Variants in ABHD6 observed in about 807,000 individuals in gnomAD.
ABHD6 encodes the protein monoacylglycerol lipase ABHD6.
In ABHD6, 33 loss-of-function variants were observed where a neutral mutation model predicts 38.8. The observed-to-expected ratio is 0.85, with a 90% confidence interval of 0.64 to 1.14. ABHD6 has a LOEUF of 1.14. ABHD6 is among the 50% of genes most tolerant of loss of function. The pLI, the probability that ABHD6 is intolerant of heterozygous loss-of-function variation, is 0.00. For synonymous variants in ABHD6, 147 were observed against 161.6 expected, an observed-to-expected ratio of 0.91 and a Z score of 0.69; for missense variants, 380 against 422.6, an observed-to-expected ratio of 0.90 and a Z score of 0.88.
chr3:58,285,472 C>A lies in ABHD6; in HGVS notation c.837+19C>A. Reference sequence around the variant, plus strand: ...AGACCAGGTATGTAACACATCCCCGCGGCAGTCTGTGCTGGTCACCAGGGC... The same window carrying A: ...AGACCAGGTATGTAACACATCCCCGAGGCAGTCTGTGCTGGTCACCAGGGC... On this transcript the variant is annotated intron_variant, in intron 9 of 9. Coordinates refer to ENST00000478253, the MANE Select transcript of ABHD6 (RefSeq NM_001320126.2). This position sits in a 1 kb window ranked among gnomAD's most constrained non-coding sequence, Gnocchi z 4.9. 1 of 1,600,492 alleles carries A rather than the reference C, an allele frequency of 6.2e-7. No individual in the cohort carries two copies. The highest frequency in any genetic ancestry group is 1.7e-5 in the Admixed American group (1 of 59,984).
chr3:58,237,825 A>G lies in ABHD6; in HGVS notation c.-182A>G, dbSNP rs2107403785. On this transcript the variant is annotated 5_prime_UTR_variant, in exon 1 of 10. Transcript: ENST00000478253. ...CGCCGGAGCTGGGAGCGGCGCGGGT[A>G]GGAGCCCGGCGGCAGGTCCCAGCCC... The G allele has an allele frequency of 6.6e-6, 1 of 151,870 alleles. No homozygotes were observed. The highest frequency in any genetic ancestry group is 2.0e-4 in the East Asian group (1 of 5,102). The allele number at this position is 151,870 out of a possible 1,614,324, so 9.4% of individuals were successfully genotyped here.
chr3:58,274,901 C>T, intron 7 of ABHD6, 86 bp downstream of exon 7: 1 of 1,463,292 alleles, frequency 6.8e-7, no homozygotes, highest in East Asian at 2.3e-5. Context: ...CCCTCCTTCA[C>T]CTACTCATTG....
Position 58,290,503 on chromosome 3 carries a change from C to T in ABHD6, c.838-3086C>T, listed in dbSNP as rs1335068904. Among the ~76,000 whole-genome samples the T allele has an allele frequency of 1.1e-4, 14 of 128,174 alleles. 1 individual carries two copies. The highest frequency in any genetic ancestry group is 4.0e-4 in the African/African-American group (13 of 32,472). The allele number at this position is 128,174 out of a possible 152,430, so 84.1% of individuals were successfully genotyped here. ...CCCACCTCCCTCCCGGACGGGGCGGCTGGCCTGGCAGGGGCTGACCCCCCA... is the reference window on the plus strand; with the variant it reads ...CCCACCTCCCTCCCGGACGGGGCGGTTGGCCTGGCAGGGGCTGACCCCCCA... On this transcript the variant is annotated intron_variant, in intron 9 of 9. Coordinates refer to ENST00000478253, the MANE Select transcript of ABHD6 (RefSeq NM_001320126.2).
Position 58,263,737 on chromosome 3 carries a change from G to T in ABHD6, c.120-3452G>T, listed in dbSNP as rs1377502860. Among the ~76,000 whole-genome samples the T allele has an allele frequency of 6.6e-6, 1 of 152,122 alleles. No homozygotes were observed. Among genetic ancestry groups the T allele is most frequent in the Non-Finnish European group, 1.5e-5 (1 of 68,042 alleles). On this transcript the variant is annotated intron_variant, in intron 3 of 9. Transcript: ENST00000478253. The surrounding 1 kb of genome is among the most constrained non-coding windows in gnomAD (Gnocchi z 4.9). ...CACCAGGTCCTTCCAGCTCTTCCAT[G>T]ATCTCACACTGTACTTTGTATGAGA...
At chr3:58,277,560 G>C (rs116006794) in intron 7 of ABHD6, among the ~76,000 whole-genome samples, 1 of 152,126 alleles carries the variant, frequency 6.6e-6, no homozygotes, top group Non-Finnish European at 1.5e-5. Context: ...TCTGTAAATG[G>C]ACAATTTGAC....
intron 6 of ABHD6, among the ~76,000 whole-genome samples, chr3:58,271,766 GTTTTTTTTTTT>G (rs3038091): frequency 3.1e-5 from 2 of 63,618 alleles, no homozygotes; most frequent in East Asian, 5.6e-4. Context: ...CCCTCTCTCT[GTTTTTTTTTTT>G]TTTTTTTTTT....
At chr3:58,253,866 G>A (rs946750060) in intron 2 of ABHD6, among the ~76,000 whole-genome samples, 18 of 152,176 alleles carry the variant, frequency 1.2e-4, no homozygotes, top group African/African-American at 4.3e-4. Flanking sequence ...CATCACTGTA[G>A]ACTCAGGACT....
chr3:58,240,579 T>C (rs1394718059), intron 1 of ABHD6, among the ~76,000 whole-genome samples: 2 of 152,092 alleles, frequency 1.3e-5, no homozygotes, highest in African/African-American at 4.8e-5. Context: ...AATTTTTTTT[T>C]TAAGGGACAG....
In ABHD6 at chr3:58,246,224, T is replaced by G. The variant is rs1474990541; in HGVS notation, c.-90-3654T>G. Among the ~76,000 whole-genome samples, 14 of 152,342 alleles carry G rather than the reference T, an allele frequency of 9.2e-5. No homozygotes were observed. The East Asian group carries it at 2.7e-3, about 29-fold the overall frequency. On this transcript the variant is annotated intron_variant, in intron 1 of 9. Transcript: ENST00000478253. ...ATCCAGCAGGAGACTGGCTTGTATT[T>G]CTGTAGGGCTGTCTTGTTTTAAACA...
At chr3:58,291,687 A>G (rs984667042) in intron 9 of ABHD6, among the ~76,000 whole-genome samples, 5 of 152,218 alleles carry the variant, frequency 3.3e-5, no homozygotes, top group African/African-American at 1.2e-4. Flanking sequence ...GCCATGGAGA[A>G]TGATGGATTT....
chr3:58,289,378 GAGGCCTTCCGC>G (rs1252148843), intron 9 of ABHD6, among the ~76,000 whole-genome samples: 1 of 151,372 alleles, frequency 6.6e-6, no homozygotes, highest in Non-Finnish European at 1.5e-5. Context: ...AGAGGACCCT[GAGGCCTTCCGC>G]AGTGTTTGTG....
rs945337879 is a variant in ABHD6, at chr3:58,269,996, A to C, written c.390+562A>C. Among the ~76,000 whole-genome samples the C allele has an allele frequency of 1.3e-5, 2 of 152,112 alleles. No homozygotes were observed. Among genetic ancestry groups the C allele is most frequent in the African/African-American group, 4.8e-5 (2 of 41,418 alleles). ...ATTTAATATCTGCCTCCTCCATTAAACTGTTTTTTAAATTCGGTCAGGAAC... is the reference window on the plus strand; with the variant it reads ...ATTTAATATCTGCCTCCTCCATTAACCTGTTTTTTAAATTCGGTCAGGAAC... On this transcript the variant is annotated intron_variant, in intron 5 of 9. Coordinates refer to ENST00000478253, the MANE Select transcript of ABHD6 (RefSeq NM_001320126.2). This position sits in a 1 kb window ranked among gnomAD's most constrained non-coding sequence, Gnocchi z 4.4.
At chr3:58,271,223 AAT>A (rs1324965450) in intron 6 of ABHD6, among the ~76,000 whole-genome samples, 159 bp downstream of exon 6, 14 of 152,192 alleles carry the variant, frequency 9.2e-5, no homozygotes, top group Admixed American at 7.9e-4. Flanking sequence ...ATAGTTATAT[AAT>A]CATAATCATA....
intron 9 of ABHD6, among the ~76,000 whole-genome samples, chr3:58,290,278 G>T (rs2097461149): frequency 2.2e-5 from 3 of 137,518 alleles, no homozygotes; most frequent in Admixed American, 7.0e-5. Flanking sequence ...AGACGGGGCG[G>T]CTGGCCGGGC....
In ABHD6 at chr3:58,265,363, G is replaced by T. The variant is rs975772520; in HGVS notation, c.120-1826G>T. On this transcript the variant is annotated intron_variant, in intron 3 of 9. Coordinates refer to ENST00000478253, the MANE Select transcript of ABHD6 (RefSeq NM_001320126.2). This position sits in a 1 kb window ranked among gnomAD's most constrained non-coding sequence, Gnocchi z 4.2. ...TAGCATGGTTGAGATCAATTTGTAA[G>T]CTTTTTATTTATTAAGGATATCATT... 5.3e-5 allele frequency among the ~76,000 whole-genome samples: 8 copies of T among 152,096 alleles called. No individual in the cohort carries two copies. Among genetic ancestry groups the T allele is most frequent in the Non-Finnish European group, 8.8e-5 (6 of 68,010 alleles).
rs2097449974 is a variant in ABHD6 at position 58,277,999 on chromosome 3, C to T, written c.681+3184C>T. ...TGGATAAACTTTCTGCTGCTGGATTCGGTTTGCCAGTATTTTATTGAGGAT... is the reference window on the plus strand; with the variant it reads ...TGGATAAACTTTCTGCTGCTGGATTTGGTTTGCCAGTATTTTATTGAGGAT... On this transcript the variant is annotated intron_variant, in intron 7 of 9. Transcript: ENST00000478253. 1.3e-5 allele frequency among the ~76,000 whole-genome samples: 2 copies of T among 152,234 alleles called. 1 individual carries two copies. Among genetic ancestry groups the T allele is most frequent in the African/African-American group, 4.8e-5 (2 of 41,554 alleles).
At position 58,285,297 on chromosome 3, in the gene ABHD6, G is replaced by T; in HGVS notation, c.737-56G>T. The T allele has an allele frequency of 6.4e-7, 1 of 1,573,372 alleles. No homozygotes were observed. The highest frequency in any genetic ancestry group is 8.7e-7 in the Non-Finnish European group (1 of 1,143,052). On this transcript the variant is annotated intron_variant, in intron 8 of 9. Coordinates refer to ENST00000478253, the MANE Select transcript of ABHD6 (RefSeq NM_001320126.2). This position sits in a 1 kb window ranked among gnomAD's most constrained non-coding sequence, Gnocchi z 4.9. ...CTGGTGACTATCCCTTGATTCTGCGGTGGTGCCACAGGCACAGTCCAGCAC... is the reference window on the plus strand; with the variant it reads ...CTGGTGACTATCCCTTGATTCTGCGTTGGTGCCACAGGCACAGTCCAGCAC...
Position 58,287,404 on chromosome 3 carries a change from C to G in ABHD6, c.837+1951C>G, listed in dbSNP as rs1469993645. 1.3e-5 allele frequency among the ~76,000 whole-genome samples: 2 copies of G among 152,138 alleles called. No homozygotes were observed. Among genetic ancestry groups the G allele is most frequent in the African/African-American group, 4.8e-5 (2 of 41,416 alleles). ...CAAAGACCCACAAGTGCATGAATGACCCAGGCAGGAGAGAGTGGGGAGGAG... is the reference window on the plus strand; with the variant it reads ...CAAAGACCCACAAGTGCATGAATGAGCCAGGCAGGAGAGAGTGGGGAGGAG... On this transcript the variant is annotated intron_variant, in intron 9 of 9. Transcript: ENST00000478253. This position sits in a 1 kb window ranked among gnomAD's most constrained non-coding sequence, Gnocchi z 4.7.
chr3:58,269,998 T>A lies in ABHD6; in HGVS notation c.390+564T>A, dbSNP rs2097443663. ...TTAATATCTGCCTCCTCCATTAAAC[T>A]GTTTTTTAAATTCGGTCAGGAACCT... On this transcript the variant is annotated intron_variant, in intron 5 of 9. Coordinates refer to ENST00000478253, the MANE Select transcript of ABHD6 (RefSeq NM_001320126.2). This position sits in a 1 kb window ranked among gnomAD's most constrained non-coding sequence, Gnocchi z 4.4. Among the ~76,000 whole-genome samples, 1 of 152,238 alleles carries A rather than the reference T, an allele frequency of 6.6e-6. No homozygotes were observed. The highest frequency in any genetic ancestry group is 2.4e-5 in the African/African-American group (1 of 41,470).
Sources: gnomAD v4.1 joint callset for allele counts (sites outside exome capture counted in the v4.1 genomes callset) on GRCh38, gnomAD v4.1.1 for gene constraint, Gnocchi (gnomAD v3.1) non-coding constraint, MANE v1.5 for transcripts, NCBI Gene and HGNC (gene_info 2026-07-23, HGNC 2026-07-21) for gene names.